CLSTN2: variants seen among roughly 807,000 people sequenced by gnomAD.
CLSTN2 encodes the protein calsyntenin 2, also known as calsyntenin-2.
A neutral mutation model predicts 101.2 loss-of-function variants in CLSTN2; 48 were observed. That is an observed-to-expected ratio of 0.47 (90% CI 0.38 to 0.60). The LOEUF is 0.60. Among genes scored for constraint, CLSTN2 ranks in the 20% least tolerant of loss-of-function variants. CLSTN2 has a pLI of 0.00. For synonymous variants in CLSTN2, 481 were observed against 463.6 expected, an observed-to-expected ratio of 1.04 and a Z score of -0.48; for missense variants, 1,160 against 1,238.2, an observed-to-expected ratio of 0.94 and a Z score of 0.95.
At chr3:140,177,251 T>C (rs566389209) in intron 2 of CLSTN2, among the ~76,000 whole-genome samples, 1 of 152,268 alleles carries the variant, frequency 6.6e-6, no homozygotes, top group East Asian at 1.9e-4. Flanking sequence ...CAATCACCCT[T>C]AGAAGTCCCA....
chr3:140,185,565 CA>C (rs1391847789), intron 2 of CLSTN2, among the ~76,000 whole-genome samples: 1 of 152,130 alleles, frequency 6.6e-6, no homozygotes, highest in Non-Finnish European at 1.5e-5. Context: ...GTGATTGGGC[CA>C]GGGGTGGGCA....
chr3:140,180,137 A>G (rs561631614), intron 2 of CLSTN2, among the ~76,000 whole-genome samples: 1 of 152,316 alleles, frequency 6.6e-6, no homozygotes, highest in East Asian at 1.9e-4. Context: ...ATGATTCAAG[A>G]TATAGGAGAA....
chr3:140,386,245 A>G (rs1196472389), intron 2 of CLSTN2, among the ~76,000 whole-genome samples: 1 of 152,236 alleles, frequency 6.6e-6, no homozygotes, highest in Non-Finnish European at 1.5e-5. Flanking sequence ...CCAAGGTCAC[A>G]AAGATAGAAA....
At chr3:140,204,165 G>T (rs977718628) in intron 2 of CLSTN2, among the ~76,000 whole-genome samples, 1 of 152,176 alleles carries the variant, frequency 6.6e-6, no homozygotes, top group East Asian at 1.9e-4. Context: ...TTCTCTTTCT[G>T]GAAGATGGAA....
Position 140,513,583 on chromosome 3 carries a change from C to CTTTTTTTTTTTTTTTTT in CLSTN2, c.1345-18740_1345-18724dup, listed in dbSNP as rs55778787. Among the ~76,000 whole-genome samples, 71 of 117,720 alleles carry CTTTTTTTTTTTTTTTTT rather than the reference C, an allele frequency of 6.0e-4. 1 individual carries two copies. The highest frequency in any genetic ancestry group is 8.0e-4 in the African/African-American group (24 of 30,174). 77.2% of individuals were successfully genotyped at this position (117,720 alleles called of 152,430 possible). On this transcript the variant is annotated intron_variant, in intron 8 of 16. Coordinates refer to ENST00000458420, the MANE Select transcript of CLSTN2 (RefSeq NM_022131.3). ...CCTGAAGCTTTCTTTTTTTTTCTTT[C>CTTTTTTTTTTTTTTTTT]TTTTTTTTTTTTTTTTTGGGTGTGT...
At position 140,252,293 on chromosome 3, in the gene CLSTN2, T is replaced by G. The variant is rs542707847; in HGVS notation, c.232+76220T>G. On this transcript the variant is annotated intron_variant, in intron 2 of 16. Transcript: ENST00000458420. Reference sequence around the variant, plus strand: ...TCCACAGTGAAACTCAAGGCTTACATTCCAATCCTACATAAAGATTTTGAG... The same window carrying G: ...TCCACAGTGAAACTCAAGGCTTACAGTCCAATCCTACATAAAGATTTTGAG... Among the ~76,000 whole-genome samples the G allele has an allele frequency of 2.6e-5, 4 of 152,256 alleles. No homozygotes were observed. In the South Asian group the frequency reaches 8.3e-4, roughly 32 times the overall value.
chr3:140,174,191 T>C (rs2010285875), intron 1 of CLSTN2, among the ~76,000 whole-genome samples: 1 of 152,108 alleles, frequency 6.6e-6, no homozygotes, highest in Non-Finnish European at 1.5e-5. Flanking sequence ...CTAAATCATC[T>C]CTCTCAAGTT....
intron 8 of CLSTN2, among the ~76,000 whole-genome samples, chr3:140,475,995 G>C (rs1032354340): frequency 1.3e-5 from 2 of 152,232 alleles, no homozygotes; most frequent in Admixed American, 1.3e-4. Flanking sequence ...AAGCCATGGA[G>C]TAGTCCTGAT....
At chr3:140,099,210 C>G (rs989419392) in intron 1 of CLSTN2, among the ~76,000 whole-genome samples, 3 of 152,180 alleles carry the variant, frequency 2.0e-5, no homozygotes, top group African/African-American at 7.2e-5. Context: ...ACTGCTGTAA[C>G]AAATTACCAG....
At chr3:140,313,400 AT>A (rs1276372625) in intron 2 of CLSTN2, among the ~76,000 whole-genome samples, 2 of 151,984 alleles carry the variant, frequency 1.3e-5, no homozygotes, top group African/African-American at 2.4e-5. Context: ...AAGGGGAGGA[AT>A]TTTTTTTCCA....
intron 1 of CLSTN2, among the ~76,000 whole-genome samples, chr3:140,054,451 G>A (rs1317529136): frequency 6.6e-6 from 1 of 152,132 alleles, no homozygotes; most frequent in Non-Finnish European, 1.5e-5. Context: ...CTATTTTGTA[G>A]CATTGAAGGT....
At chr3:139,983,715 A>G in intron 1 of CLSTN2, among the ~76,000 whole-genome samples, 1 of 152,308 alleles carries the variant, frequency 6.6e-6, no homozygotes. Flanking sequence ...ACTATGTAAT[A>G]ATTTACTATG....
intron 1 of CLSTN2, among the ~76,000 whole-genome samples, chr3:140,050,106 T>C (rs2007962091): frequency 6.6e-6 from 1 of 152,234 alleles, no homozygotes. Flanking sequence ...TAGAAACTGC[T>C]TACACAGTGC....
chr3:139,977,996 G>T (rs575254122), intron 1 of CLSTN2, among the ~76,000 whole-genome samples: 1 of 152,148 alleles, frequency 6.6e-6, no homozygotes, highest in African/African-American at 2.4e-5. Context: ...ACTGGGAGGG[G>T]CTGGCTCTGA....
At chr3:140,239,459 A>G (rs2107866044) in intron 2 of CLSTN2, among the ~76,000 whole-genome samples, 1 of 152,352 alleles carries the variant, frequency 6.6e-6, no homozygotes, top group African/African-American at 2.4e-5. Flanking sequence ...AAGAGTTTTT[A>G]AAATGAATAA....
chr3:140,344,436 C>A (rs559370743), intron 2 of CLSTN2, among the ~76,000 whole-genome samples: 1 of 152,304 alleles, frequency 6.6e-6, no homozygotes, highest in East Asian at 1.9e-4. Flanking sequence ...CCAGAGACAA[C>A]CCCAGGAGGC....
intron 1 of CLSTN2, among the ~76,000 whole-genome samples, chr3:140,001,683 CT>C: frequency 6.6e-6 from 1 of 151,822 alleles, no homozygotes. Context: ...TGTAGTCACC[CT>C]GCTATCAAAT....
intron 1 of CLSTN2, among the ~76,000 whole-genome samples, chr3:140,161,959 C>G (rs2010053629): frequency 6.6e-6 from 1 of 152,108 alleles, no homozygotes; most frequent in South Asian, 2.1e-4. Context: ...ACAATAAACT[C>G]ATCAAATATT....
Position 140,484,780 on chromosome 3 carries a change from G to A in CLSTN2, c.1344+18049G>A, listed in dbSNP as rs1441595168. ...CTACTGAGGCTTGTGCATTCATCACGTAGCTCTCGTGCTGTGGTTTTCAGC... is the reference window on the plus strand; with the variant it reads ...CTACTGAGGCTTGTGCATTCATCACATAGCTCTCGTGCTGTGGTTTTCAGC... On this transcript the variant is annotated intron_variant, in intron 8 of 16. Coordinates refer to ENST00000458420, the MANE Select transcript of CLSTN2 (RefSeq NM_022131.3). Among the ~76,000 whole-genome samples the A allele has an allele frequency of 4.6e-5, 7 of 152,206 alleles. No individual in the cohort carries two copies. In the East Asian group the frequency reaches 7.7e-4, roughly 17 times the overall value.
Sources: gnomAD v4.1 joint callset for allele counts (sites outside exome capture counted in the v4.1 genomes callset) on GRCh38, gnomAD v4.1.1 for gene constraint, MANE v1.5 for transcripts, NCBI Gene and HGNC (gene_info 2026-07-23, HGNC 2026-07-21) for gene names.